The following KPNA6 variants were observed in gnomAD, a reference collection of about 807,000 sequenced individuals.
KPNA6 encodes importin subunit alpha-7.
In KPNA6, 9 loss-of-function variants were observed where a neutral mutation model predicts 72.0. The observed-to-expected ratio is 0.13, with a 90% confidence interval of 0.08 to 0.22. The LOEUF (loss-of-function observed/expected upper bound fraction) is 0.22. Among genes scored for constraint, KPNA6 ranks in the 10% least tolerant of loss-of-function variants. KPNA6 has a pLI of 1.00. For synonymous variants in KPNA6, 219 were observed against 242.1 expected, an observed-to-expected ratio of 0.90 and a Z score of 0.89; for missense variants, 374 against 655.7, an observed-to-expected ratio of 0.57 and a Z score of 4.69.
chr1:32,124,759 G>T (rs1223639557), intron 1 of KPNA6, among the ~76,000 whole-genome samples: 1 of 151,224 alleles, frequency 6.6e-6, no homozygotes, highest in Non-Finnish European at 1.5e-5. Flanking sequence ...CTTCCGCCTT[G>T]GCCTCCCAAA....
In KPNA6 at chr1:32,176,152, T is replaced by A. The variant is rs1185550905; in HGVS notation, c.*5258T>A. The A allele has an allele frequency of 3.9e-5, 6 of 151,998 alleles. No individual in the cohort carries two copies. The highest frequency in any genetic ancestry group is 8.8e-5 in the Non-Finnish European group (6 of 67,980). The allele number at this position is 151,998 out of a possible 1,614,324, so 9.4% of individuals were successfully genotyped here. On this transcript the variant is annotated 3_prime_UTR_variant, in exon 14 of 14. Transcript: ENST00000373625. ...TCAGACTCTGGAGTTGGGTGTCGGC[T>A]TTTTTAGCCAGCTTTTGTGGGAATT...
intron 10 of KPNA6, among the ~76,000 whole-genome samples, chr1:32,163,864 C>T (rs1208184565): frequency 6.6e-6 from 1 of 152,208 alleles, no homozygotes; most frequent in Non-Finnish European, 1.5e-5. Context: ...CACTCAAACA[C>T]TCAAACCCAC....
intron 11 of KPNA6, 145 bp downstream of exon 11, chr1:32,166,375 C>T (rs989470975): frequency 2.1e-6 from 2 of 963,626 alleles, no homozygotes; most frequent in East Asian, 5.5e-5. Context: ...GCCTGTAGTC[C>T]CAGCACTTTG....
chr1:32,127,070 A>G (rs956457405), intron 1 of KPNA6, among the ~76,000 whole-genome samples: 1 of 152,188 alleles, frequency 6.6e-6, no homozygotes, highest in Admixed American at 6.6e-5. Context: ...CCTTAATCCT[A>G]CAGGGCCCTA....
At chr1:32,112,486 TTTA>T (rs1641258218) in intron 1 of KPNA6, among the ~76,000 whole-genome samples, 1 of 151,522 alleles carries the variant, frequency 6.6e-6, no homozygotes, top group African/African-American at 2.4e-5. Flanking sequence ...AAGTACCTCT[TTTA>T]TTTATTTATT....
intron 1 of KPNA6, among the ~76,000 whole-genome samples, chr1:32,116,487 T>C (rs1054382679): frequency 3.9e-5 from 6 of 152,020 alleles, no homozygotes; most frequent in African/African-American, 1.2e-4. Flanking sequence ...GGAGAAACCC[T>C]GTCTCTACTA....
At chr1:32,162,906 C>T in intron 9 of KPNA6, among the ~76,000 whole-genome samples, 1 of 151,312 alleles carries the variant, frequency 6.6e-6, no homozygotes, top group South Asian at 2.1e-4. Context: ...AGATCAAGAC[C>T]ATCCTGGCTA....
Position 32,166,090 on chromosome 1 carries a change from C to T in KPNA6, c.991-15C>T, listed in dbSNP as rs750608140. On this transcript the variant is annotated splice_polypyrimidine_tract_variant and intron_variant, in intron 10 of 13. Coordinates refer to ENST00000373625, the MANE Select transcript of KPNA6 (RefSeq NM_012316.5). The stretch of plus-strand genomic sequence containing the variant: ...TTTAATTTTTCTTTTGTTTCCTGTG[C>T]TTTTGGTGTTCTAGGTCATTCTTAA... The T allele has an allele frequency of 4.4e-5, 70 of 1,584,300 alleles. No homozygotes were observed. Among genetic ancestry groups the T allele is most frequent in the Non-Finnish European group, 5.5e-5 (64 of 1,170,980 alleles).
intron 2 of KPNA6, 79 bp downstream of exon 2, chr1:32,154,800 C>G: frequency 6.7e-7 from 1 of 1,493,902 alleles, no homozygotes; most frequent in Non-Finnish European, 9.2e-7. Context: ...TGCACCCTGA[C>G]TTGCCCTGTA....
chr1:32,156,908 G>T lies in KPNA6; in HGVS notation c.194G>T (p.Ser65Ile), dbSNP rs1642154740. Residue 65 changes from serine (S) to isoleucine (I), a missense_variant, in exon 3 of 14, where the codon AGT (serine) becomes ATT (isoleucine). Coordinates refer to ENST00000373625, the MANE Select transcript of KPNA6 (RefSeq NM_012316.5). ...LINEEAAMFD[S>I]LLMDSYVSST... The stretch of plus-strand genomic sequence containing the variant: ...AATGAAGAAGCTGCCATGTTCGATA[G>T]TCTTCTCATGGACTCTTATGTGAGC... The T allele has an allele frequency of 6.2e-7, 1 of 1,614,080 alleles. No individual in the cohort carries two copies. Among genetic ancestry groups the T allele is most frequent in the Non-Finnish European group, 8.5e-7 (1 of 1,179,956 alleles).
intron 1 of KPNA6, chr1:32,143,014 C>G: frequency 2.3e-6 from 3 of 1,288,848 alleles, no homozygotes; most frequent in Non-Finnish European, 2.0e-6. Context: ...TCATGAAAAG[C>G]TATGTGTCAG....
chr1:32,169,628 T>TG (rs1282292550), intron 12 of KPNA6, among the ~76,000 whole-genome samples: 357 of 150,642 alleles, frequency 2.4e-3, no homozygotes, highest in African/African-American at 8.5e-3. Context: ...TTTTTTTTTT[T>TG]TGTATTTTTT....
chr1:32,161,827 G>C, intron 7 of KPNA6, 120 bp from the exon 8 acceptor site: 1 of 717,894 alleles, frequency 1.4e-6, no homozygotes, highest in Admixed American at 2.4e-5. Flanking sequence ...AGGTCTGTGA[G>C]TAGGAAGAAA....
rs115842469 is a variant in KPNA6, at chr1:32,132,267, G to A, written c.5-22321G>A. On this transcript the variant is annotated intron_variant, in intron 1 of 13. Transcript: ENST00000373625. ...ATTACAGGTATGAGTCACCATGCCCGGCCCAGTGGTGTCTTTTAAAGCATT... is the reference window on the plus strand; with the variant it reads ...ATTACAGGTATGAGTCACCATGCCCAGCCCAGTGGTGTCTTTTAAAGCATT... Among the ~76,000 whole-genome samples, 395 of 151,650 alleles carry A rather than the reference G, an allele frequency of 2.6e-3. 1 individual carries two copies. The highest frequency in any genetic ancestry group is 9.3e-3 in the African/African-American group (385 of 41,394).
intron 1 of KPNA6, among the ~76,000 whole-genome samples, chr1:32,129,173 T>C (rs574828537): frequency 2.0e-5 from 3 of 151,348 alleles, no homozygotes; most frequent in African/African-American, 7.3e-5. Flanking sequence ...TTCTTTCTTT[T>C]TTTTTTTTGA....
chr1:32,157,914 T>C (rs1385375451), intron 4 of KPNA6, among the ~76,000 whole-genome samples: 1 of 152,192 alleles, frequency 6.6e-6, no homozygotes, highest in Non-Finnish European at 1.5e-5. Context: ...CTTGTTTCAG[T>C]ATATCAAATA....
chr1:32,118,605 G>A (rs553710702), intron 1 of KPNA6, among the ~76,000 whole-genome samples: 23 of 151,914 alleles, frequency 1.5e-4, no homozygotes, highest in Non-Finnish European at 2.6e-4. Flanking sequence ...GACCAGTCTG[G>A]GCAACATGGC....
intron 1 of KPNA6, among the ~76,000 whole-genome samples, chr1:32,135,008 C>T (rs1474606772): frequency 6.6e-6 from 1 of 150,770 alleles, no homozygotes; most frequent in African/African-American, 2.4e-5. Context: ...CAGGTTCGAG[C>T]AATTTTCCTG....
chr1:32,166,342 A>T, intron 11 of KPNA6, 112 bp downstream of exon 11: 2 of 1,308,994 alleles, frequency 1.5e-6, no homozygotes, highest in East Asian at 2.6e-5. Flanking sequence ...ATAGGAGTCA[A>T]TTGGCCAGGC....
Sources: allele counts gnomAD v4.1 joint callset (sites outside exome capture counted in the v4.1 genomes callset), GRCh38; gene constraint gnomAD v4.1.1; transcripts MANE v1.5; gene names NCBI Gene and HGNC (gene_info 2026-07-23, HGNC 2026-07-21).